Variants in EIF3D observed in about 807,000 individuals in gnomAD.
The protein encoded by EIF3D is eIF3 p66.
EIF3D carries 10 observed loss-of-function variants against 75.4 expected under a neutral mutation model. The observed-to-expected ratio is 0.13, with a 90% CI of 0.08 to 0.22. The LOEUF (loss-of-function observed/expected upper bound fraction) is 0.22. Ranked by LOEUF, EIF3D falls within the 10% of genes least tolerant of loss-of-function variation. EIF3D has a pLI of 1.00. For missense variants in EIF3D, 394 were observed against 708.0 expected (o/e 0.56, Z 5.03); for synonymous variants, 246 against 248.3 (o/e 0.99, Z 0.09).
chr22:36,528,578 C>T (rs1934643720), intron 1 of EIF3D, among the ~76,000 whole-genome samples: 1 of 138,674 alleles, frequency 7.2e-6, no homozygotes, highest in Admixed American at 7.0e-5. Context: ...AGATCATAAG[C>T]CGTCCATCGC....
chr22:36,516,848 A>G (rs1459775355), intron 10 of EIF3D, 58 bp from the exon 11 acceptor site: 2 of 1,502,098 alleles, frequency 1.3e-6, no homozygotes, highest in African/African-American at 2.8e-5. Flanking sequence ...GCCAAGGCCA[A>G]TCAGTCAGAC....
At chr22:36,516,973 G>C in intron 10 of EIF3D, 183 bp from the exon 11 acceptor site, 1 of 632,436 alleles carries the variant, frequency 1.6e-6, no homozygotes, top group South Asian at 1.9e-5. Flanking sequence ...AGCACCTGAT[G>C]AATTAGAACA....
At chr22:36,511,313 T>A in intron 14 of EIF3D, 190 bp downstream of exon 14, 1 of 1,199,286 alleles carries the variant, frequency 8.3e-7, no homozygotes. Flanking sequence ...ACCGCTATCC[T>A]CCCCAACCAC....
intron 12 of EIF3D, among the ~76,000 whole-genome samples, chr22:36,514,799 T>C (rs1481764304): frequency 6.6e-6 from 1 of 152,184 alleles, no homozygotes; most frequent in Admixed American, 6.5e-5. Flanking sequence ...ATTGACACCA[T>C]GATTTCTGCC....
intron 6 of EIF3D, chr22:36,523,003 C>G: frequency 2.0e-6 from 1 of 503,860 alleles, no homozygotes; most frequent in South Asian, 2.1e-5. Context: ...GAAAACAGAT[C>G]AAGACAGGGT....
rs1398337114 is a variant in EIF3D, at chr22:36,520,478, A to G, written c.578+98T>C. 4.8e-6 allele frequency: 4 copies of G among 833,458 alleles called. No homozygotes were observed. In the African/African-American group the frequency reaches 7.0e-5, roughly 14 times the overall value. The allele number at this position is 833,458 out of a possible 1,614,324, so 51.6% of individuals were successfully genotyped here. On this transcript the variant is annotated intron_variant, in intron 7 of 14. Coordinates refer to ENST00000216190, the MANE Select transcript of EIF3D (RefSeq NM_003753.4). The stretch of plus-strand genomic sequence containing the variant: ...AATGTGTTTTGAGTAAGTGGCTTCA[A>G]AGCCTTTTTGGAAATACTAGGGCTT...
chr22:36,517,816 C>T (rs145428574), intron 9 of EIF3D, among the ~76,000 whole-genome samples: 4,060 of 152,090 alleles, frequency 0.027, 183 homozygotes, highest in African/African-American at 0.093. Flanking sequence ...GGTGTGTCCA[C>T]GGCTCACTGC....
intron 1 of EIF3D, among the ~76,000 whole-genome samples, chr22:36,526,512 T>C (rs1487590124): frequency 6.6e-6 from 1 of 152,210 alleles, no homozygotes; most frequent in Non-Finnish European, 1.5e-5. Flanking sequence ...AATGTCCTAA[T>C]GTTTTTTCAA....
chr22:36,513,491 C>T (rs1490872651), intron 12 of EIF3D, among the ~76,000 whole-genome samples: 4 of 151,950 alleles, frequency 2.6e-5, no homozygotes, highest in Non-Finnish European at 4.4e-5. Context: ...TTGGTAGATA[C>T]GGGGTTTCAT....
intron 1 of EIF3D, among the ~76,000 whole-genome samples, chr22:36,527,845 G>A (rs1008141753): frequency 4.6e-5 from 7 of 152,184 alleles, no homozygotes; most frequent in Non-Finnish European, 8.8e-5. Context: ...AGGCTGGAGA[G>A]CAATCAAAAG....
chr22:36,526,214 CAT>C, intron 1 of EIF3D, 83 bp from the exon 2 acceptor site: 8 of 1,394,956 alleles, frequency 5.7e-6, no homozygotes, highest in South Asian at 1.7e-5. Context: ...TAAGCAAAGA[CAT>C]AAATGATAGA....
At chr22:36,514,556 T>G (rs1173094624) in intron 12 of EIF3D, among the ~76,000 whole-genome samples, 1 of 145,502 alleles carries the variant, frequency 6.9e-6, no homozygotes, top group Non-Finnish European at 1.5e-5. Context: ...GTCAGAGATC[T>G]GAAGCACAAG....
intron 7 of EIF3D, among the ~76,000 whole-genome samples, chr22:36,519,754 C>A (rs184814915): frequency 2.6e-5 from 4 of 152,290 alleles, no homozygotes; most frequent in African/African-American, 7.2e-5. Flanking sequence ...TAGCCCAACG[C>A]CCCCATTTTA....
In EIF3D at chr22:36,523,954, A is replaced by G; in HGVS notation, c.333T>C (p.Arg111=). The change falls in exon 5 of 15, where the codon CGT becomes CGC. Residue 111 remains arginine, a synonymous_variant. Coordinates refer to ENST00000216190, the MANE Select transcript of EIF3D (RefSeq NM_003753.4). ...AQRNLRRDKD[R]RNMLQFNLQI... is the part of the protein sequence containing the mutation. ...GCAGGTTGAACTGCAACATGTTCCG[A>G]CGATCTTTGTCTCTGCGGAGGTTCC... 1 of 1,614,102 alleles carries G rather than the reference A, an allele frequency of 6.2e-7. No individual in the cohort carries two copies. The highest frequency in any genetic ancestry group is 8.5e-7 in the Non-Finnish European group (1 of 1,180,000).
At chr22:36,514,232 A>G (rs1201193036) in intron 12 of EIF3D, among the ~76,000 whole-genome samples, 1 of 152,208 alleles carries the variant, frequency 6.6e-6, no homozygotes, top group Non-Finnish European at 1.5e-5. Context: ...CAGAAAAACA[A>G]TGGGAAGTAT....
intron 9 of EIF3D, 111 bp downstream of exon 9, chr22:36,518,652 T>C: frequency 7.3e-7 from 1 of 1,370,898 alleles, no homozygotes; most frequent in Non-Finnish European, 1.0e-6. Flanking sequence ...CTGCTGTCAA[T>C]TCCCTTGGGA....
At chr22:36,516,402 C>G in intron 12 of EIF3D, 76 bp downstream of exon 12, 1 of 1,544,674 alleles carries the variant, frequency 6.5e-7, no homozygotes, top group Non-Finnish European at 8.8e-7. Flanking sequence ...GTTTATACAA[C>G]CTAGCCTGCG....
At chr22:36,511,422 A>G in intron 14 of EIF3D, 81 bp downstream of exon 14, 1 of 1,569,584 alleles carries the variant, frequency 6.4e-7, no homozygotes, top group Non-Finnish European at 8.6e-7. Flanking sequence ...TATCAAGGTT[A>G]AAGATCACAA....
At chr22:36,519,316 T>C in intron 8 of EIF3D, 89 bp downstream of exon 8, 4 of 1,559,872 alleles carry the variant, frequency 2.6e-6, no homozygotes, top group Non-Finnish European at 3.5e-6. Context: ...CATACGTTAT[T>C]CCCATGTCTT....
Sources: allele counts gnomAD v4.1 joint callset (sites outside exome capture counted in the v4.1 genomes callset), GRCh38; gene constraint gnomAD v4.1.1; transcripts MANE v1.5; gene names NCBI Gene and HGNC (gene_info 2026-07-23, HGNC 2026-07-21).